JAKMIP3: variants seen among roughly 807,000 people sequenced by gnomAD.
The protein encoded by JAKMIP3 is Janus kinase and microtubule interacting protein 3, also known as janus kinase and microtubule-interacting protein 3.
A neutral mutation model predicts 118.5 loss-of-function variants in JAKMIP3; 58 were observed. The ratio of observed to expected loss-of-function variants is 0.49; its 90% CI spans 0.40 to 0.61. The LOEUF is 0.61. Ranked by LOEUF, JAKMIP3 falls within the 20% of genes least tolerant of loss-of-function variation. The probability of loss-of-function intolerance (pLI) is 0.00; values close to 1 mark genes in which losing one functional copy is unlikely to be tolerated. For synonymous variants in JAKMIP3, 486 were observed against 451.2 expected (o/e 1.08, Z -0.98); for missense variants, 950 against 1,109.0 (o/e 0.86, Z 2.04).
At chr10:132,121,264 C>T (rs929341138) in intron 3 of JAKMIP3, among the ~76,000 whole-genome samples, 3 of 152,120 alleles carry the variant, frequency 2.0e-5, no homozygotes, top group Admixed American at 6.5e-5. Flanking sequence ...GAACATCATT[C>T]CCAGGTTCCA....
intron 1 of JAKMIP3, among the ~76,000 whole-genome samples, chr10:132,098,399 G>A (rs966487593): frequency 3.9e-5 from 6 of 152,192 alleles, no homozygotes; most frequent in Admixed American, 1.3e-4. Flanking sequence ...CACTGTCACC[G>A]TCTTAACATT....
intron 3 of JAKMIP3, among the ~76,000 whole-genome samples, chr10:132,126,409 C>T (rs2049557514): frequency 6.6e-6 from 1 of 152,020 alleles, no homozygotes; most frequent in South Asian, 2.1e-4. Flanking sequence ...CTCAAGTGAT[C>T]CTCCTACCTC....
In JAKMIP3 at chr10:132,157,105, A is replaced by T. The variant is rs375627197; in HGVS notation, c.2220+3115A>T. ...TCTCCGAGAGATGGTCATCATGCCA[A>T]TGGTAGGAAATGTTCACAGTAGAAA... On this transcript the variant is annotated intron_variant, in intron 19 of 23. Coordinates refer to ENST00000684848, the MANE Select transcript of JAKMIP3 (RefSeq NM_001323087.2). Among the ~76,000 whole-genome samples the T allele has an allele frequency of 7.2e-5, 11 of 152,244 alleles. No homozygotes were observed. The East Asian group carries it at 2.1e-3, about 29-fold the overall frequency.
intron 14 of JAKMIP3, among the ~76,000 whole-genome samples, 152 bp from the exon 15 acceptor site, chr10:132,149,260 C>T (rs992113090): frequency 6.6e-6 from 1 of 152,066 alleles, no homozygotes; most frequent in Non-Finnish European, 1.5e-5. Flanking sequence ...CAGATTCTGC[C>T]ACCACTGCTG....
chr10:132,163,801 CT>C (rs1274746934), intron 20 of JAKMIP3, among the ~76,000 whole-genome samples: 1 of 152,252 alleles, frequency 6.6e-6, no homozygotes. Flanking sequence ...CAGTTCCCCT[CT>C]TTTGGACCCC....
At chr10:132,152,519 G>C (rs1564970472) in intron 16 of JAKMIP3, among the ~76,000 whole-genome samples, 1 of 152,200 alleles carries the variant, frequency 6.6e-6, no homozygotes, top group Admixed American at 6.5e-5. Flanking sequence ...CCATTTCACA[G>C]CCATGAACAT....
intron 9 of JAKMIP3, among the ~76,000 whole-genome samples, chr10:132,139,133 T>C (rs1031138965): frequency 2.6e-5 from 4 of 151,718 alleles, no homozygotes; most frequent in Admixed American, 6.6e-5. Context: ...TGTGTGTGTG[T>C]GCATGTGTAT....
chr10:132,182,746 G>A lies in JAKMIP3; in HGVS notation c.*1493G>A, dbSNP rs892444251. ...GTAGGGAGGACTGGGTTGTCTGGAA[G>A]TATTAGGCTCATTTTATATTTGTGT... On this transcript the variant is annotated 3_prime_UTR_variant, in exon 24 of 24. Transcript: ENST00000684848. 1 of 152,208 alleles carries A rather than the reference G, an allele frequency of 6.6e-6. No homozygotes were observed. Among genetic ancestry groups the A allele is most frequent in the Admixed American group, 6.5e-5 (1 of 15,286 alleles). The allele number at this position is 152,208 out of a possible 1,614,324, so 9.4% of individuals were successfully genotyped here. A position where few individuals can be genotyped will look rare whatever the true frequency, so the allele number is the denominator to read the frequency against.
Position 132,145,593 on chromosome 10 carries a change from C to T in JAKMIP3, c.1749+13C>T, listed in dbSNP as rs1398888770. The T allele has an allele frequency of 2.6e-6, 4 of 1,556,750 alleles. No homozygotes were observed. The highest frequency in any genetic ancestry group is 2.4e-5 in the East Asian group (1 of 41,438). ...GCTTGTGGAAAAGGTGAGCCCCGAA[C>T]CCCTGGAGGCCCTGGCAGGACTCGC... On this transcript the variant is annotated intron_variant, in intron 13 of 23. Coordinates refer to ENST00000684848, the MANE Select transcript of JAKMIP3 (RefSeq NM_001323087.2).
chr10:132,159,730 TCCTGTGTGATACTG>T (rs1564982225), intron 19 of JAKMIP3, among the ~76,000 whole-genome samples: 25 of 71,980 alleles, frequency 3.5e-4, no homozygotes, highest in Non-Finnish European at 5.1e-4. Context: ...GGGCATGTCT[TCCTGTGTGATACTG>T]GGGGGGCCTC....
chr10:132,057,653 CCTT>C lies in JAKMIP3; in HGVS notation c.-138+20921_-138+20923del, dbSNP rs1232810216. Among the ~76,000 whole-genome samples, 12 of 152,332 alleles carry C rather than the reference CCTT, an allele frequency of 7.9e-5. No individual in the cohort carries two copies. The South Asian group carries it at 1.9e-3, about 24-fold the overall frequency. ...CTGCACGTGTGTGTTCTCCGCTTGG[CCTT>C]CTTCTCCTTCCTGTGCAGGTATCTC... On this transcript the variant is annotated intron_variant, in intron 1 of 23. Transcript: ENST00000657785.
chr10:132,076,144 C>T (rs1229727592), intron 1 of JAKMIP3, among the ~76,000 whole-genome samples: 2 of 152,202 alleles, frequency 1.3e-5, no homozygotes, highest in African/African-American at 2.4e-5. Context: ...ACTCTGAACC[C>T]TTGAGCAGTC....
chr10:132,082,693 C>A (rs1182722390), intron 1 of JAKMIP3, among the ~76,000 whole-genome samples: 1 of 152,064 alleles, frequency 6.6e-6, no homozygotes, highest in African/African-American at 2.4e-5. Context: ...TCACTGCAAC[C>A]TCCGCCTCCC....
rs549402863 is a variant in JAKMIP3 at position 132,147,560 on chromosome 10, C to T, written c.1750-392C>T. Among the ~76,000 whole-genome samples the T allele has an allele frequency of 7.9e-5, 12 of 152,368 alleles. No individual in the cohort carries two copies. In the East Asian group the frequency reaches 2.3e-3, roughly 29 times the overall value. On this transcript the variant is annotated intron_variant, in intron 13 of 23. Transcript: ENST00000684848. Reference sequence around the variant, plus strand: ...TGGGACATTTACCCTCCACGGCCTCCCTTCCTCATCCTAGCTCAGAGCCCC... The same window carrying T: ...TGGGACATTTACCCTCCACGGCCTCTCTTCCTCATCCTAGCTCAGAGCCCC...
chr10:132,083,615 G>A (rs562405809), intron 1 of JAKMIP3, among the ~76,000 whole-genome samples: 21 of 152,292 alleles, frequency 1.4e-4, no homozygotes, highest in Admixed American at 6.5e-4. Context: ...CTAAGCCAAC[G>A]TCTAGAAGAG....
chr10:132,135,009 G>A lies in JAKMIP3; in HGVS notation c.850-32G>A, dbSNP rs571826245. 122 of 1,608,928 alleles carry A rather than the reference G, an allele frequency of 7.6e-5. No homozygotes were observed. The Admixed American group carries it at 1.5e-3, about 19-fold the overall frequency. ...AAAGGCTTCCCAGGCTTGTGGGTAG[G>A]AACCGTTATTTGCAGTTGATTTTTG... On this transcript the variant is annotated intron_variant, in intron 4 of 23. Transcript: ENST00000684848.
Position 132,175,284 on chromosome 10 carries a change from T to A in JAKMIP3, c.*1103+6251T>A, listed in dbSNP as rs79219578. Among the ~76,000 whole-genome samples, 763 of 152,352 alleles carry A rather than the reference T, an allele frequency of 5.0e-3. 6 individuals carry two copies. The highest frequency in any genetic ancestry group is 0.017 in the African/African-American group (715 of 41,572). ...TTCACTTTGAGTTAACTTTTGCATATGGGGCTCAGTATGGATTGAAGTTTA... is the reference window on the plus strand; with the variant it reads ...TTCACTTTGAGTTAACTTTTGCATAAGGGGCTCAGTATGGATTGAAGTTTA... On this transcript the variant is annotated intron_variant, in intron 23 of 23. Transcript: ENST00000684848.
chr10:132,135,452 G>A (rs2051552571), intron 5 of JAKMIP3, among the ~76,000 whole-genome samples: 1 of 152,222 alleles, frequency 6.6e-6, no homozygotes, highest in Non-Finnish European at 1.5e-5. Flanking sequence ...CTCTCAGTGG[G>A]GCTGTTGCCA....
At chr10:132,180,784 CGCGT>C (rs1473297971) in intron 23 of JAKMIP3, among the ~76,000 whole-genome samples, 670 of 54,812 alleles carry the variant, frequency 0.012, 165 homozygotes, top group African/African-American at 0.024. Flanking sequence ...TGTGTGTGTG[CGCGT>C]ATGCATGTGC....
Sources: gnomAD v4.1 joint callset for allele counts (sites outside exome capture counted in the v4.1 genomes callset) on GRCh38, gnomAD v4.1.1 for gene constraint, MANE v1.5 for transcripts, NCBI Gene and HGNC (gene_info 2026-07-23, HGNC 2026-07-21) for gene names.